SLIT2: variants seen among roughly 807,000 people sequenced by gnomAD.
The protein encoded by SLIT2 is slit guidance ligand 2, also known as slit homolog 2 protein.
SLIT2 carries 41 observed loss-of-function variants against 185.7 expected under a neutral mutation model. The observed-to-expected ratio is 0.22, with a 90% CI of 0.17 to 0.29. The LOEUF (loss-of-function observed/expected upper bound fraction) is 0.29, where lower values mean the gene tolerates loss of function less well. SLIT2 is among the 10% of genes least tolerant of loss of function. The pLI is 1.00. For synonymous variants in SLIT2, 693 were observed against 680.2 expected (o/e 1.02, Z -0.29); for missense variants, 1,571 against 1,909.0 (o/e 0.82, Z 3.30).
chr4:20,302,013 A>G (rs1192893773), intron 4 of SLIT2, among the ~76,000 whole-genome samples: 1 of 152,190 alleles, frequency 6.6e-6, no homozygotes, highest in African/African-American at 2.4e-5. Context: ...AATCTGTGAA[A>G]TTAAGAAAAA....
intron 4 of SLIT2, among the ~76,000 whole-genome samples, chr4:20,341,425 G>C (rs763400498): frequency 1.3e-5 from 2 of 152,184 alleles, no homozygotes; most frequent in African/African-American, 4.8e-5. Context: ...AACTTTTAGT[G>C]TTCACCAAAC....
chr4:20,340,519 A>G (rs919197669), intron 4 of SLIT2, among the ~76,000 whole-genome samples: 2 of 152,184 alleles, frequency 1.3e-5, no homozygotes, highest in African/African-American at 4.8e-5. Context: ...AAACAAAATG[A>G]TCCATGATAC....
intron 34 of SLIT2, chr4:20,615,257 T>A (rs1729563247): frequency 6.6e-6 from 1 of 152,204 alleles, no homozygotes; most frequent in South Asian, 2.1e-4. Context: ...TTCATCCTTT[T>A]GACCCTGCTC....
intron 4 of SLIT2, among the ~76,000 whole-genome samples, chr4:20,335,310 G>A (rs6853187): frequency 0.87 from 132,116 of 152,174 alleles, 57,536 homozygotes; most frequent in African/African-American, 0.92. Flanking sequence ...CAGAATCACC[G>A]GTGTGCATAG....
At chr4:20,260,499 A>G (rs907840906) in intron 3 of SLIT2, among the ~76,000 whole-genome samples, 2 of 151,834 alleles carry the variant, frequency 1.3e-5, no homozygotes, top group Non-Finnish European at 3.0e-5. Flanking sequence ...TGTGTAATTT[A>G]TGGTTTTAAG....
chr4:20,580,065 TTA>T (rs35298444), intron 29 of SLIT2, among the ~76,000 whole-genome samples: 74,224 of 138,340 alleles, frequency 0.54, 21,427 homozygotes, highest in East Asian at 0.96. Flanking sequence ...TATGTATATA[TTA>T]TATATATATA....
intron 4 of SLIT2, among the ~76,000 whole-genome samples, chr4:20,375,772 A>G (rs941432374): frequency 1.3e-5 from 2 of 151,988 alleles, no homozygotes; most frequent in African/African-American, 2.4e-5. Flanking sequence ...GTTTAATTTT[A>G]TACTTTGTAG....
At chr4:20,276,324 T>A (rs1241001444) in intron 4 of SLIT2, among the ~76,000 whole-genome samples, 1 of 152,144 alleles carries the variant, frequency 6.6e-6, no homozygotes, top group African/African-American at 2.4e-5. Context: ...GAGTTGATTA[T>A]AATCACTGAA....
chr4:20,603,889 T>C (rs1728592263), intron 33 of SLIT2, among the ~76,000 whole-genome samples: 1 of 152,242 alleles, frequency 6.6e-6, no homozygotes, highest in African/African-American at 2.4e-5. Context: ...TATGGTATTC[T>C]TGTTTTCAAG....
At chr4:20,344,899 G>A (rs967953222) in intron 4 of SLIT2, among the ~76,000 whole-genome samples, 5 of 151,934 alleles carry the variant, frequency 3.3e-5, no homozygotes, top group Admixed American at 6.6e-5. Flanking sequence ...CTCCTCTAAT[G>A]CATTTTTGGA....
At chr4:20,297,139 C>T (rs1285145969) in intron 4 of SLIT2, among the ~76,000 whole-genome samples, 2 of 152,078 alleles carry the variant, frequency 1.3e-5, no homozygotes, top group Non-Finnish European at 2.9e-5. Context: ...CTTCTTGGTA[C>T]TCATTTCTTT....
At chr4:20,549,584 C>T (rs17614459) in intron 24 of SLIT2, among the ~76,000 whole-genome samples, 2,201 of 151,968 alleles carry the variant, frequency 0.014, 29 homozygotes, top group South Asian at 0.023. Flanking sequence ...GCTCTCTGGT[C>T]CTTTTTCAGA....
intron 3 of SLIT2, among the ~76,000 whole-genome samples, chr4:20,265,997 C>T (rs1284452649): frequency 6.6e-6 from 1 of 151,886 alleles, no homozygotes; most frequent in Non-Finnish European, 1.5e-5. Flanking sequence ...TCCAGAACAG[C>T]AGTGAGAATT....
intron 4 of SLIT2, among the ~76,000 whole-genome samples, chr4:20,361,710 C>G (rs115389264): frequency 0.015 from 2,262 of 152,026 alleles, 55 homozygotes; most frequent in African/African-American, 0.05. Flanking sequence ...TAGCTAATAC[C>G]TTTAAAGATT....
At chr4:20,584,942 C>T (rs1485437931) in intron 29 of SLIT2, among the ~76,000 whole-genome samples, 1 of 152,038 alleles carries the variant, frequency 6.6e-6, no homozygotes, top group East Asian at 1.9e-4. Context: ...GTAATCCCAG[C>T]TACTCAGGAG....
chr4:20,608,264 G>C (rs560572224), intron 33 of SLIT2, among the ~76,000 whole-genome samples: 1 of 152,120 alleles, frequency 6.6e-6, no homozygotes, highest in East Asian at 1.9e-4. Context: ...TAGTAATAAA[G>C]TAACTTATCT....
chr4:20,519,092 AAAC>A (rs900826374), intron 11 of SLIT2, among the ~76,000 whole-genome samples: 68 of 152,294 alleles, frequency 4.5e-4, no homozygotes, highest in African/African-American at 1.6e-3. Flanking sequence ...GTGAGTAGAA[AAAC>A]AACTTAAAAG....
At chr4:20,444,829 C>G (rs1711586655) in intron 4 of SLIT2, among the ~76,000 whole-genome samples, 1 of 152,150 alleles carries the variant, frequency 6.6e-6, no homozygotes, top group Non-Finnish European at 1.5e-5. Flanking sequence ...TCAGATCCAC[C>G]TATTCCAGGA....
chr4:20,394,601 C>G (rs1725728557), intron 4 of SLIT2: 1 of 151,940 alleles, frequency 6.6e-6, no homozygotes, highest in African/African-American at 2.4e-5. Flanking sequence ...CCAAACCTTT[C>G]TGAAGTACTT....
Sources: gnomAD v4.1 joint callset for allele counts (sites outside exome capture counted in the v4.1 genomes callset) on GRCh38, gnomAD v4.1.1 for gene constraint, MANE v1.5 for transcripts, NCBI Gene and HGNC (gene_info 2026-07-23, HGNC 2026-07-21) for gene names.